SYT12: variants seen among roughly 807,000 people sequenced by gnomAD.
The protein encoded by SYT12 is synaptotagmin-12.
A neutral mutation model predicts 39.5 loss-of-function variants in SYT12; 27 were observed. The observed-to-expected ratio is 0.68, with a 90% confidence interval of 0.50 to 0.94. The LOEUF is 0.94. SYT12 is among the 40% of genes least tolerant of loss of function. The pLI is 0.00. For missense variants in SYT12, 536 were observed against 572.6 expected, an observed-to-expected ratio of 0.94 and a Z score of 0.65; for synonymous variants, 233 against 239.7, an observed-to-expected ratio of 0.97 and a Z score of 0.26.
intron 1 of SYT12, among the ~76,000 whole-genome samples, chr11:67,024,342 G>A (rs1267797561): frequency 6.6e-6 from 1 of 152,224 alleles, no homozygotes; most frequent in Non-Finnish European, 1.5e-5. Context: ...ACCCACCGAA[G>A]TTACCACAGC....
At position 67,040,162 on chromosome 11, in the gene SYT12, G is replaced by A. The variant is rs760701148; in HGVS notation, c.580G>A (p.Val194Ile). The A allele has an allele frequency of 4.8e-5, 77 of 1,598,374 alleles. No homozygotes were observed. Among genetic ancestry groups the A allele is most frequent in the Non-Finnish European group, 5.7e-5 (67 of 1,169,826 alleles). Residue 194 changes from valine (V) to isoleucine (I), a missense_variant, in exon 4 of 8, where the codon GTC becomes ATC. By Grantham distance (29) the Val-to-Ile change is conservative (BLOSUM62 3). Coordinates refer to ENST00000527043, the MANE Select transcript of SYT12 (RefSeq NM_177963.4). ...CAGCTTCGAGTCCTGCTTCATGCGCGTCAGCCTGCTGCCGGACGAGCAGAT... is the reference window on the plus strand; with the variant it reads ...CAGCTTCGAGTCCTGCTTCATGCGCATCAGCCTGCTGCCGGACGAGCAGAT... ...EASFESCFMR[V>I]SLLPDEQIVG... is the part of the protein sequence containing the mutation.
chr11:67,020,239 G>A (rs929077431), upstream of SYT12, among the ~76,000 whole-genome samples: 2 of 152,128 alleles, frequency 1.3e-5, no homozygotes, highest in Non-Finnish European at 2.9e-5. Context: ...CAAGCAAAGG[G>A]ACCAGCAAGG....
intron 1 of SYT12, among the ~76,000 whole-genome samples, chr11:67,008,482 G>T (rs1222694046): frequency 6.6e-6 from 1 of 151,796 alleles, no homozygotes; most frequent in East Asian, 1.9e-4. Context: ...TCAACCTCTG[G>T]TGCTCAAGTG....
intron 6 of SYT12, among the ~76,000 whole-genome samples, chr11:67,045,221 A>G (rs1459203339): frequency 1.4e-5 from 2 of 145,202 alleles, no homozygotes; most frequent in Non-Finnish European, 3.0e-5. Context: ...GCTGTATTCT[A>G]GAGAACTGAA....
chr11:67,037,262 G>A (rs551230655), intron 3 of SYT12, among the ~76,000 whole-genome samples: 9 of 152,020 alleles, frequency 5.9e-5, no homozygotes, highest in African/African-American at 1.9e-4. Context: ...AACCTTCAAG[G>A]GACTGTGTCC....
chr11:67,015,508 CAAAGGGAAGGG>C (rs904745649), intron 3 of SYT12, among the ~76,000 whole-genome samples: 3 of 151,976 alleles, frequency 2.0e-5, no homozygotes, highest in Middle Eastern at 3.4e-3. Context: ...CAGCTGGGAA[CAAAGGGAAGGG>C]AAAGGGAAGG....
upstream of SYT12, among the ~76,000 whole-genome samples, chr11:67,018,937 G>A (rs1438032310): frequency 1.3e-5 from 2 of 152,180 alleles, no homozygotes; most frequent in African/African-American, 2.4e-5. Flanking sequence ...CCTGGAAAGC[G>A]GAGAACTGAG....
chr11:67,020,474 A>G (rs773021417), upstream of SYT12, among the ~76,000 whole-genome samples: 7 of 152,234 alleles, frequency 4.6e-5, no homozygotes, highest in Non-Finnish European at 8.8e-5. Context: ...ACACATGCAC[A>G]AAAGTGTACA....
chr11:67,047,777 CTTT>C (rs1173796349), intron 7 of SYT12, among the ~76,000 whole-genome samples: 7 of 76,058 alleles, frequency 9.2e-5, no homozygotes, highest in Non-Finnish European at 1.5e-4. Context: ...ACCCCCATCT[CTTT>C]TTTTTTTTTT....
intron 5 of SYT12, 115 bp downstream of exon 5, chr11:67,043,968 A>G: frequency 9.9e-7 from 1 of 1,015,100 alleles, no homozygotes; most frequent in Non-Finnish European, 1.5e-6. Flanking sequence ...CATCATCATT[A>G]GGAGAGCAGA....
chr11:67,045,719 C>G (rs200420072), intron 6 of SYT12, 25 bp from the exon 7 acceptor site: 21 of 1,610,468 alleles, frequency 1.3e-5, no homozygotes, highest in Non-Finnish European at 2.5e-6. Flanking sequence ...GTGACACTGG[C>G]CCTCACCTGT....
At chr11:67,018,972 A>G (rs138289735), upstream of SYT12, among the ~76,000 whole-genome samples, 678 of 152,336 alleles carry the variant, frequency 4.5e-3, 3 homozygotes, top group African/African-American at 0.015. Context: ...CTCAACGCCT[A>G]CTGTTCCAAC....
chr11:67,048,024 C>T (rs768435712), intron 7 of SYT12, among the ~76,000 whole-genome samples: 5 of 150,130 alleles, frequency 3.3e-5, no homozygotes, highest in Admixed American at 1.3e-4. Flanking sequence ...ACCTCCTGAC[C>T]TCATGATCCG....
At position 67,043,625 on chromosome 11, in the gene SYT12, T is replaced by C; in HGVS notation, c.622-13T>C. ...CAGGCCCCTAGCGCCCTCCATGGCCTTTTCTCCTGCAGATCCAGAGAAATG... is the reference window on the plus strand; with the variant it reads ...CAGGCCCCTAGCGCCCTCCATGGCCCTTTCTCCTGCAGATCCAGAGAAATG... On this transcript the variant is annotated splice_polypyrimidine_tract_variant and intron_variant, in intron 4 of 7. Transcript: ENST00000527043. 1 of 1,613,594 alleles carries C rather than the reference T, an allele frequency of 6.2e-7. No individual in the cohort carries two copies. The highest frequency in any genetic ancestry group is 8.5e-7 in the Non-Finnish European group (1 of 1,179,766).
At chr11:67,033,811 G>A (rs1950312502) in intron 2 of SYT12, among the ~76,000 whole-genome samples, 1 of 152,206 alleles carries the variant, frequency 6.6e-6, no homozygotes, top group Non-Finnish European at 1.5e-5. Flanking sequence ...GGAGAGGGAG[G>A]CAAAACCTTG....
intron 4 of SYT12, among the ~76,000 whole-genome samples, 186 bp downstream of exon 4, chr11:67,040,389 C>T (rs1950487707): frequency 6.6e-6 from 1 of 152,118 alleles, no homozygotes; most frequent in Non-Finnish European, 1.5e-5. Context: ...GTGGGGGGCT[C>T]CACCTGAAGG....
At chr11:67,012,817 A>G (rs1055716705) in intron 3 of SYT12, among the ~76,000 whole-genome samples, 17 of 152,230 alleles carry the variant, frequency 1.1e-4, no homozygotes, top group Non-Finnish European at 1.0e-4. Context: ...CCAAGGTCAC[A>G]CAGTGACTTT....
At chr11:67,021,202 G>A (rs557174010), upstream of SYT12, among the ~76,000 whole-genome samples, 404 of 152,222 alleles carry the variant, frequency 2.7e-3, 3 homozygotes, top group Non-Finnish European at 4.3e-3. Context: ...ACCCGTGTAC[G>A]CTTTTCTGAT....
intron 2 of SYT12, chr11:67,032,387 G>C: frequency 6.6e-6 from 1 of 152,320 alleles, no homozygotes; most frequent in South Asian, 2.1e-4. Context: ...AAAACCTGTT[G>C]GGATTTTCCC....
Sources: allele counts gnomAD v4.1 joint callset (sites outside exome capture counted in the v4.1 genomes callset), GRCh38; gene constraint gnomAD v4.1.1; transcripts MANE v1.5; gene names NCBI Gene and HGNC (gene_info 2026-07-23, HGNC 2026-07-21).